Variants in UGT1A6 observed in about 807,000 individuals in gnomAD.
UGT1A6 encodes the protein UDP-glucuronosyltransferase 1A6.
UGT1A6 carries 32 observed loss-of-function variants against 44.4 expected under a neutral mutation model. That is an observed-to-expected ratio of 0.72 (90% CI 0.54 to 0.97). The LOEUF is 0.97. Among genes scored for constraint, UGT1A6 ranks in the 50% least tolerant of loss-of-function variants. UGT1A6 has a pLI of 0.00. For synonymous variants in UGT1A6, 238 were observed against 248.5 expected, an observed-to-expected ratio of 0.96 and a Z score of 0.40; for missense variants, 685 against 661.9, an observed-to-expected ratio of 1.03 and a Z score of -0.38.
intron 1 of UGT1A6, chr2:233,747,330 C>A (rs896598113): frequency 4.4e-6 from 7 of 1,603,408 alleles, no homozygotes; most frequent in Non-Finnish European, 6.0e-6. Context: ...TTGATGGCAG[C>A]CACTGGCTCG....
intron 1 of UGT1A6, chr2:233,719,515 C>G (rs764297894): frequency 6.2e-7 from 1 of 1,613,842 alleles, no homozygotes; most frequent in Non-Finnish European, 8.5e-7. Context: ...GCCCCTTATG[C>G]AAGTCTTGCC....
Position 233,772,617 on chromosome 2 carries a change from GA to G in UGT1A6, c.*62del. 1 of 1,572,898 alleles carries G rather than the reference GA, an allele frequency of 6.4e-7. No homozygotes were observed. Among genetic ancestry groups the G allele is most frequent in the Non-Finnish European group, 8.6e-7 (1 of 1,158,346 alleles). On this transcript the variant is annotated 3_prime_UTR_variant, in exon 5 of 5. Coordinates refer to ENST00000305139, the MANE Select transcript of UGT1A6 (RefSeq NM_001072.4). The stretch of plus-strand genomic sequence containing the variant: ...CCATTCCCTAGTCATTTCCAAACTT[GA>G]AAACAGAATCAGTGTTAAATTCATT...
At position 233,725,825 on chromosome 2, in the gene UGT1A6, A is replaced by G. The variant is rs185131948; in HGVS notation, c.861+31960A>G. Among the ~76,000 whole-genome samples the G allele has an allele frequency of 6.0e-4, 91 of 152,230 alleles. 1 individual carries two copies. In the South Asian group the frequency reaches 6.4e-3, roughly 11 times the overall value. ...AAAATCCATTTTATTGGATACCAGT[A>G]TTGCTACTCCTATGTTATTTTTTCA... On this transcript the variant is annotated intron_variant, in intron 1 of 4. Transcript: ENST00000305139.
intron 1 of UGT1A6, among the ~76,000 whole-genome samples, chr2:233,764,316 C>T (rs1044416342): frequency 3.3e-5 from 5 of 152,242 alleles, no homozygotes; most frequent in Admixed American, 6.5e-5. Flanking sequence ...TTAAGGGAAG[C>T]TTTGCCAAGT....
chr2:233,713,411 C>G (rs1475467341), intron 1 of UGT1A6: 6 of 1,614,112 alleles, frequency 3.7e-6, no homozygotes, highest in Non-Finnish European at 5.1e-6. Flanking sequence ...TGATCAGGCA[C>G]CTGCATGCTA....
chr2:233,733,606 A>G (rs921303944), intron 1 of UGT1A6, among the ~76,000 whole-genome samples: 5 of 152,192 alleles, frequency 3.3e-5, no homozygotes, highest in African/African-American at 1.2e-4. Context: ...GATGGATTAC[A>G]TTTATTGATT....
chr2:233,772,141 A>C, intron 4 of UGT1A6, 121 bp from the exon 5 acceptor site: 1 of 1,549,926 alleles, frequency 6.5e-7, no homozygotes, highest in Non-Finnish European at 8.7e-7. Context: ...CAATAATAGA[A>C]ACAGGTTTCC....
intron 1 of UGT1A6, among the ~76,000 whole-genome samples, chr2:233,766,257 A>AGTGGCCCGGGCTCG (rs36213637): frequency 2.6e-5 from 4 of 151,512 alleles, no homozygotes; most frequent in African/African-American, 4.9e-5. Context: ...CAGACCGCTC[A>AGTGGCCCGGGCTCG]GTGGCCCGGG....
Position 233,720,306 on chromosome 2 carries a change from T to A in UGT1A6, c.861+26441T>A, listed in dbSNP as rs1361961474. Among the ~76,000 whole-genome samples, 4 of 152,234 alleles carry A rather than the reference T, an allele frequency of 2.6e-5. No homozygotes were observed. The Middle Eastern group carries it at 0.01, about 388-fold the overall frequency. On this transcript the variant is annotated intron_variant, in intron 1 of 4. Transcript: ENST00000305139. ...TTCTGACCAGGAGTTGGGGGTCTGG[T>A]GTATGATGTGGGGACATCGTAGAGT...
chr2:233,716,651 C>T (rs6744284), intron 1 of UGT1A6, among the ~76,000 whole-genome samples: 57,476 of 151,882 alleles, frequency 0.38, 12,088 homozygotes, highest in African/African-American at 0.57. Flanking sequence ...ACTTTTTGTA[C>T]CCTAAGGAAG....
intron 1 of UGT1A6, among the ~76,000 whole-genome samples, chr2:233,732,898 G>C (rs1347576081): frequency 6.6e-6 from 1 of 151,914 alleles, no homozygotes; most frequent in Non-Finnish European, 1.5e-5. Flanking sequence ...AATTACCTTG[G>C]GCAGTATGGC....
chr2:233,720,815 C>T (rs1284944346), intron 1 of UGT1A6, among the ~76,000 whole-genome samples: 2 of 151,724 alleles, frequency 1.3e-5, no homozygotes, highest in Non-Finnish European at 1.5e-5. Flanking sequence ...AAGAAATTCT[C>T]CCACCTCAGT....
intron 1 of UGT1A6, chr2:233,729,354 C>A (rs767130471): frequency 2.5e-6 from 4 of 1,614,190 alleles, no homozygotes; most frequent in Non-Finnish European, 2.5e-6. Context: ...ACTTTTTCAC[C>A]CTGACAACCT....
chr2:233,760,654 C>T (rs1222597079), intron 1 of UGT1A6: 1 of 1,614,218 alleles, frequency 6.2e-7, no homozygotes, highest in Non-Finnish European at 8.5e-7. Context: ...CTCTGCTATG[C>T]TTTTGTCTGG....
At chr2:233,772,179 CT>C in intron 4 of UGT1A6, 82 bp from the exon 5 acceptor site, 1 of 1,585,310 alleles carries the variant, frequency 6.3e-7, no homozygotes, top group Non-Finnish European at 8.6e-7. Flanking sequence ...ATCTGGTAGT[CT>C]TCTTAAGCAG....
At chr2:233,724,087 T>C in intron 1 of UGT1A6, among the ~76,000 whole-genome samples, 2 of 102,630 alleles carry the variant, frequency 1.9e-5, no homozygotes, top group East Asian at 2.4e-4. Flanking sequence ...GAGGGGCTCC[T>C]CACTTCCCAG....
At chr2:233,759,078 G>A (rs997941103) in intron 1 of UGT1A6, among the ~76,000 whole-genome samples, 3 of 152,214 alleles carry the variant, frequency 2.0e-5, no homozygotes, top group Non-Finnish European at 4.4e-5. Flanking sequence ...TTGGAAGAAA[G>A]AGACTTTGTT....
At chr2:233,719,052 A>C (rs200903552) in intron 1 of UGT1A6, 5 of 1,614,270 alleles carry the variant, frequency 3.1e-6, no homozygotes, top group Non-Finnish European at 4.2e-6. Context: ...TTTCACCCTG[A>C]CAGCCTATGC....
At position 233,767,103 on chromosome 2, in the gene UGT1A6, T is replaced by G; in HGVS notation, c.931T>G (p.Ser311Ala). Reference sequence around the variant, plus strand: ...GGTTTTCTCTTTGGGATCAATGGTCTCAGAAATTCCAGAGAAGAAAGCTAT... The same window carrying G: ...GGTTTTCTCTTTGGGATCAATGGTCGCAGAAATTCCAGAGAAGAAAGCTAT... Reference protein sequence around the residue: ...IVVFSLGSMVSEIPEKKAMAI... With the variant: ...IVVFSLGSMVAEIPEKKAMAI... Residue 311 changes from serine to alanine, a missense_variant, in exon 2 of 5, where the codon TCA becomes GCA. Ser to Ala is a moderately conservative substitution (Grantham distance 99). Coordinates refer to ENST00000305139, the MANE Select transcript of UGT1A6 (RefSeq NM_001072.4). 6.2e-7 allele frequency: 1 copy of G among 1,614,148 alleles called. No individual in the cohort carries two copies. Among genetic ancestry groups the G allele is most frequent in the South Asian group, 1.1e-5 (1 of 91,074 alleles).
Sources: gnomAD v4.1 joint callset for allele counts (sites outside exome capture counted in the v4.1 genomes callset) on GRCh38, gnomAD v4.1.1 for gene constraint, MANE v1.5 for transcripts, NCBI Gene and HGNC (gene_info 2026-07-23, HGNC 2026-07-21) for gene names.